Variants in ADGRB1 observed in about 807,000 individuals in gnomAD.
ADGRB1 encodes the protein brain-specific angiogenesis inhibitor 1.
In ADGRB1, 36 loss-of-function variants were observed where a neutral mutation model predicts 175.7. The ratio of observed to expected loss-of-function variants is 0.20; its 90% CI spans 0.16 to 0.27. The LOEUF (loss-of-function observed/expected upper bound fraction) is 0.27. Among genes scored for constraint, ADGRB1 ranks in the 10% least tolerant of loss-of-function variants. The pLI, the probability that ADGRB1 is intolerant of heterozygous loss-of-function variation, is 1.00. For synonymous variants in ADGRB1, 1,054 were observed against 979.4 expected, an observed-to-expected ratio of 1.08 and a Z score of -1.42; for missense variants, 1,731 against 2,255.3, an observed-to-expected ratio of 0.77 and a Z score of 4.71.
chr8:142,520,014 T>G (rs1587399798), intron 19 of ADGRB1, among the ~76,000 whole-genome samples: 1 of 148,602 alleles, frequency 6.7e-6, no homozygotes, highest in Non-Finnish European at 1.5e-5. Flanking sequence ...ATGGTGATGG[T>G]GGTGATGGTG....
intron 17 of ADGRB1, among the ~76,000 whole-genome samples, chr8:142,505,293 T>C (rs1396156678): frequency 6.6e-6 from 1 of 152,008 alleles, no homozygotes; most frequent in Non-Finnish European, 1.5e-5. Context: ...TTGCCGGGGG[T>C]GCAGGGCAGG....
chr8:142,501,151 G>C (rs1483372274), intron 17 of ADGRB1, among the ~76,000 whole-genome samples: 1 of 152,256 alleles, frequency 6.6e-6, no homozygotes, highest in Non-Finnish European at 1.5e-5. Flanking sequence ...TATAGTGGAG[G>C]TGACGCTGGT....
At chr8:142,520,489 G>C (rs974888493) in intron 19 of ADGRB1, among the ~76,000 whole-genome samples, 26 of 5,622 alleles carry the variant, frequency 4.6e-3, no homozygotes, top group African/African-American at 5.9e-3. Flanking sequence ...GTGTGATAAT[G>C]GTGATGGTGA....
Position 142,479,721 on chromosome 8 carries a change from C to T in ADGRB1, c.1755C>T (p.Asn585=). 1.2e-6 allele frequency: 2 copies of T among 1,613,630 alleles called. No homozygotes were observed. The change falls in exon 9 of 31, where the codon AAC becomes AAT. Residue 585 remains asparagine, a synonymous_variant. Transcript: ENST00000517894. ...PEPHEICDED[N]FGAVIWKETP... ...CCCATGAGATCTGTGATGAGGACAA[C>T]TTTGGTGCTGTGATCTGGAAGGAGA... is the stretch of plus-strand genomic sequence containing the variant.
intron 17 of ADGRB1, among the ~76,000 whole-genome samples, chr8:142,495,972 TG>T (rs1203267850): frequency 1.3e-5 from 2 of 150,798 alleles, no homozygotes; most frequent in Non-Finnish European, 3.0e-5. Context: ...GATGGATACG[TG>T]GGTGGCTGGA....
At chr8:142,509,443 C>T (rs1480768504) in intron 17 of ADGRB1, among the ~76,000 whole-genome samples, 1 of 152,144 alleles carries the variant, frequency 6.6e-6, no homozygotes, top group Non-Finnish European at 1.5e-5. Flanking sequence ...GTCAGGGCTG[C>T]GTGTGGGGGT....
chr8:142,469,569 G>A (rs570131091), intron 2 of ADGRB1, among the ~76,000 whole-genome samples: 2 of 146,738 alleles, frequency 1.4e-5, no homozygotes, highest in African/African-American at 5.4e-5. Flanking sequence ...GTGAATGTGT[G>A]TGCATGTGTG....
intron 13 of ADGRB1, among the ~76,000 whole-genome samples, chr8:142,487,660 A>C (rs1167520158): frequency 6.6e-6 from 1 of 151,954 alleles, no homozygotes; most frequent in Non-Finnish European, 1.5e-5. Context: ...CTTCCACCCC[A>C]GCGGCACTTC....
intron 1 of ADGRB1, among the ~76,000 whole-genome samples, chr8:142,453,391 C>T (rs867160692): frequency 9.9e-5 from 15 of 152,182 alleles, no homozygotes; most frequent in Middle Eastern, 3.2e-3. Context: ...ACGGGATGGA[C>T]CCCTGGGAGG....
chr8:142,521,354 C>T (rs1200555887), intron 20 of ADGRB1, among the ~76,000 whole-genome samples: 1 of 152,290 alleles, frequency 6.6e-6, no homozygotes, highest in East Asian at 1.9e-4. Context: ...CATGGAGGGC[C>T]CCTGCCTGCC....
intron 17 of ADGRB1, among the ~76,000 whole-genome samples, chr8:142,507,267 TG>T (rs1254880200): frequency 6.6e-6 from 1 of 152,174 alleles, no homozygotes; most frequent in African/African-American, 2.4e-5. Flanking sequence ...GCTGTTCCCC[TG>T]ACACATGCTG....
At chr8:142,483,918 G>T in intron 11 of ADGRB1, 59 bp from the exon 12 acceptor site, 1 of 1,578,100 alleles carries the variant, frequency 6.3e-7, no homozygotes, top group Non-Finnish European at 8.7e-7. Flanking sequence ...CCTGGTCACA[G>T]TGAACGGTGA....
At chr8:142,488,691 C>A (rs1841823553) in intron 14 of ADGRB1, among the ~76,000 whole-genome samples, 184 bp downstream of exon 14, 1 of 152,108 alleles carries the variant, frequency 6.6e-6, no homozygotes, top group African/African-American at 2.4e-5. Flanking sequence ...ACCCTGAGGC[C>A]CAGGCAGAGG....
chr8:142,465,048 G>T, intron 2 of ADGRB1, 66 bp downstream of exon 2: 1 of 1,361,940 alleles, frequency 7.3e-7, no homozygotes, highest in South Asian at 1.5e-5. Context: ...GGGCAGACAG[G>T]GGAGGCGGGC....
At chr8:142,469,538 A>T (rs116658616) in intron 2 of ADGRB1, among the ~76,000 whole-genome samples, 17 of 80,652 alleles carry the variant, frequency 2.1e-4, no homozygotes, top group South Asian at 7.4e-4. Context: ...TGTGAATGTG[A>T]GTGTATGCAC....
At position 142,493,701 on chromosome 8, in the gene ADGRB1, G is replaced by A. The variant is rs527494476; in HGVS notation, c.2675+2886G>A. ...GAGGCCCTGAGACTCCTACAGTCCCGCTGAAAGCACAGCGCAGTGATCGAG... is the reference window on the plus strand; with the variant it reads ...GAGGCCCTGAGACTCCTACAGTCCCACTGAAAGCACAGCGCAGTGATCGAG... On this transcript the variant is annotated intron_variant, in intron 17 of 30. Coordinates refer to ENST00000517894, the MANE Select transcript of ADGRB1 (RefSeq NM_001702.3). This position sits in a 1 kb window ranked among gnomAD's most constrained non-coding sequence, Gnocchi z 5.0. Among the ~76,000 whole-genome samples the A allele has an allele frequency of 6.6e-6, 1 of 152,372 alleles. No homozygotes were observed. The highest frequency in any genetic ancestry group is 2.1e-4 in the South Asian group (1 of 4,828).
At chr8:142,517,094 G>A (rs1843490506) in intron 18 of ADGRB1, among the ~76,000 whole-genome samples, 1 of 152,162 alleles carries the variant, frequency 6.6e-6, no homozygotes, top group African/African-American at 2.4e-5. Context: ...TCTTCTGGGG[G>A]CACCGCTGGG....
intron 27 of ADGRB1, among the ~76,000 whole-genome samples, chr8:142,540,752 G>A (rs528458372): frequency 2.6e-5 from 4 of 152,210 alleles, no homozygotes; most frequent in African/African-American, 9.6e-5. Flanking sequence ...CGAGAGTGCT[G>A]TGGCTGTCTG....
At chr8:142,536,385 G>A (rs938327626) in intron 25 of ADGRB1, among the ~76,000 whole-genome samples, 3 of 152,176 alleles carry the variant, frequency 2.0e-5, no homozygotes, top group African/African-American at 7.2e-5. Context: ...CTGTCCATAA[G>A]CTCTGCTGGC....
Sources: gnomAD v4.1 joint callset for allele counts (sites outside exome capture counted in the v4.1 genomes callset) on GRCh38, gnomAD v4.1.1 for gene constraint, Gnocchi (gnomAD v3.1) non-coding constraint, MANE v1.5 for transcripts, NCBI Gene and HGNC (gene_info 2026-07-23, HGNC 2026-07-21) for gene names.